IQCN: variants seen among roughly 807,000 people sequenced by gnomAD.
IQCN encodes the protein IQ motif containing N.
IQCN carries 46 observed loss-of-function variants against 64.4 expected under a neutral mutation model. The observed-to-expected ratio is 0.71, with a 90% CI of 0.56 to 0.91. IQCN has a LOEUF of 0.91. IQCN is among the 40% of genes least tolerant of loss of function. IQCN has a pLI of 0.00. For missense variants in IQCN, 1,753 were observed against 1,857.4 expected (o/e 0.94, Z 1.03); for synonymous variants, 733 against 775.6 (o/e 0.95, Z 0.91).
In IQCN at chr19:18,265,314, C is replaced by A; in HGVS notation, c.2226G>T (p.Thr742=). 6.2e-7 allele frequency: 1 copy of A among 1,614,146 alleles called. No individual in the cohort carries two copies. The highest frequency in any genetic ancestry group is 8.5e-7 in the Non-Finnish European group (1 of 1,180,046). ...CTGTGATCGGCTGCCCCCGGGACTG[C>A]GTCTTGGTCAGACAGGTGGCTAGAG... ...QAPLATCLTK[T]QSRGQPITDI... is the part of the protein sequence containing the mutation. Residue 742 remains threonine (T), a synonymous_variant, in exon 3 of 4, where the codon ACG becomes ACT. Transcript: ENST00000392413. The surrounding 1 kb of genome is among the most constrained non-coding windows in gnomAD (Gnocchi z 4.7).
chr19:18,259,789 G>C (rs937218271), intron 3 of IQCN: 8 of 152,516 alleles, frequency 5.2e-5, no homozygotes, highest in African/African-American at 1.9e-4. Flanking sequence ...AGATTAGACT[G>C]AGTCACGGCC....
intron 1 of IQCN, among the ~76,000 whole-genome samples, chr19:18,272,906 G>A (rs1454543094): frequency 2.0e-5 from 3 of 151,774 alleles, no homozygotes. Flanking sequence ...CACCGCGCCT[G>A]GCCGAGCATT....
intron 3 of IQCN, chr19:18,258,456 T>C (rs777016623): frequency 2.8e-5 from 15 of 537,426 alleles, no homozygotes; most frequent in Admixed American, 6.7e-5. Flanking sequence ...AATCCTACCA[T>C]GCACGGATCT....
In IQCN at chr19:18,266,749, C is replaced by T; in HGVS notation, c.791G>A (p.Arg264Lys). The change falls in exon 3 of 4, where the codon AGA becomes AAA. Residue 264 changes from arginine (R) to lysine (K), a missense_variant. By Grantham distance (26) the Arg-to-Lys change is conservative. Coordinates refer to ENST00000392413, the MANE Select transcript of IQCN (RefSeq NM_001145304.2). This position sits in a 1 kb window ranked among gnomAD's most constrained non-coding sequence, Gnocchi z 4.3. ...GACGAGGCAGGTGCTTCTGATGGTT[C>T]TGGTCAGCAGGCATGGCTGGCATTT... ...DAKCQPCLLTRTIRSTCLVHI... is the reference protein window; with the variant it reads ...DAKCQPCLLTKTIRSTCLVHI... The T allele has an allele frequency of 2.5e-6, 4 of 1,614,142 alleles. No individual in the cohort carries two copies. Among genetic ancestry groups the T allele is most frequent in the African/African-American group, 1.3e-5 (1 of 75,020 alleles).
In IQCN at chr19:18,258,051, G is replaced by T; in HGVS notation, c.3233C>A (p.Pro1078Gln). The T allele has an allele frequency of 6.2e-7, 1 of 1,612,682 alleles. No individual in the cohort carries two copies. Among genetic ancestry groups the T allele is most frequent in the Non-Finnish European group, 8.5e-7 (1 of 1,180,012 alleles). The stretch of plus-strand genomic sequence containing the variant: ...GTCCCAGGACGCAGCACCCCTGGCT[G>T]GCTCCCATGCGCGGTTCCACGATTG... ...GGQSWNRAWE[P>Q]ARGAASWDTW... The change falls in exon 4 of 4, where the codon CCA becomes CAA. Residue 1078 changes from proline (P) to glutamine (Q), a missense_variant. Transcript: ENST00000392413.
chr19:18,266,376 G>T lies in IQCN; in HGVS notation c.1164C>A (p.Thr388=). 2 of 1,608,934 alleles carry T rather than the reference G, an allele frequency of 1.2e-6. No homozygotes were observed. Among genetic ancestry groups the T allele is most frequent in the East Asian group, 2.2e-5 (1 of 44,838 alleles). ...PAQMYPGPTV[T]KTAPHTCPMP... ...TGGGGCATGTGTGAGGTGCAGTTTT[G>T]GTCACTGTGGGCCCCGGATACATCT... Residue 388 remains threonine (T), a synonymous_variant, in exon 3 of 4, where the codon ACC becomes ACA. Transcript: ENST00000392413. This position sits in a 1 kb window ranked among gnomAD's most constrained non-coding sequence, Gnocchi z 4.3.
chr19:18,259,335 C>G (rs897479410), intron 3 of IQCN: 5 of 59,100 alleles, frequency 8.5e-5, no homozygotes, highest in Non-Finnish European at 1.6e-4. Flanking sequence ...AGGCCCCCAT[C>G]ATTGGCACAG....
At chr19:18,269,404 G>C in intron 2 of IQCN, 62 bp downstream of exon 2, 1 of 1,557,122 alleles carries the variant, frequency 6.4e-7, no homozygotes, top group South Asian at 1.1e-5. Context: ...CACTTGTTTG[G>C]CAGAAGCCCC....
At chr19:18,274,013 G>A (rs537680811) in intron 1 of IQCN, among the ~76,000 whole-genome samples, 7 of 152,288 alleles carry the variant, frequency 4.6e-5, no homozygotes, top group South Asian at 2.1e-4. Flanking sequence ...GCTCCTGCCC[G>A]TAATCCAAGC....
intron 3 of IQCN, chr19:18,258,605 T>A: frequency 2.8e-6 from 1 of 358,356 alleles, no homozygotes; most frequent in Non-Finnish European, 5.6e-6. Flanking sequence ...ACGGATATAG[T>A]GGCACATGTG....
chr19:18,258,092 A>G lies in IQCN; in HGVS notation c.3192T>C (p.Ala1064=), dbSNP rs1297974923. 6.2e-7 allele frequency: 1 copy of G among 1,610,814 alleles called. No individual in the cohort carries two copies. Among genetic ancestry groups the G allele is most frequent in the Non-Finnish European group, 8.5e-7 (1 of 1,179,970 alleles). ...TCCACGATTGGCCACCAACCACACCAGCGTCCGCGGGGCCCTGGAGTATAG... is the reference window on the plus strand; with the variant it reads ...TCCACGATTGGCCACCAACCACACCGGCGTCCGCGGGGCCCTGGAGTATAG... ...RPQTSKGPAD[A]GVVGGQSWNR... is the part of the protein sequence containing the mutation. Residue 1064 remains alanine (A), a synonymous_variant, in exon 4 of 4, where the codon GCT becomes GCC. Coordinates refer to ENST00000392413, the MANE Select transcript of IQCN (RefSeq NM_001145304.2).
Position 18,265,057 on chromosome 19 carries a change from A to T in IQCN, c.2483T>A (p.Val828Asp). 1 of 1,600,788 alleles carries T rather than the reference A, an allele frequency of 6.2e-7. No homozygotes were observed. Among genetic ancestry groups the T allele is most frequent in the Middle Eastern group, 1.6e-4 (1 of 6,062 alleles). The change falls in exon 3 of 4, where the codon GTC becomes GAC. Residue 828 changes from valine to aspartate, a missense_variant. Transcript: ENST00000392413. This position sits in a 1 kb window ranked among gnomAD's most constrained non-coding sequence, Gnocchi z 4.7. ...QGGPCPAACEVQGMLVPPMAP... is the reference protein window; with the variant it reads ...QGGPCPAACEDQGMLVPPMAP... Reference sequence around the variant, plus strand: ...CATCGGCGGCACCAGCATACCCTGGACCTCACAGGCTGCCGGGCATGGTCC... The same window carrying T: ...CATCGGCGGCACCAGCATACCCTGGTCCTCACAGGCTGCCGGGCATGGTCC...
chr19:18,262,253 C>T, intron 3 of IQCN: 1 of 153,262 alleles, frequency 6.5e-6, no homozygotes, highest in South Asian at 2.0e-4. Context: ...CCTCAGTGGG[C>T]TGAAATGGCT....
rs779798913 is a variant in IQCN at position 18,264,890 on chromosome 19, C to G, written c.2650G>C (p.Val884Leu). ...TCCTGGGATGCCAGCACACCAGCTA[C>G]TTCAGCACACAAGGAGGCCAGCAGG... ...GSLLASLCAE[V>L]AGVLASQEDL... Residue 884 changes from valine to leucine, a missense_variant, in exon 3 of 4, where the codon GTA becomes CTA. Physicochemically the swap from Val to Leu is conservative, Grantham distance 32 (BLOSUM62 1). Transcript: ENST00000392413. This position sits in a 1 kb window ranked among gnomAD's most constrained non-coding sequence, Gnocchi z 4.3. 5 of 1,613,106 alleles carry G rather than the reference C, an allele frequency of 3.1e-6. No homozygotes were observed. Among genetic ancestry groups the G allele is most frequent in the Non-Finnish European group, 3.4e-6 (4 of 1,179,882 alleles).
chr19:18,267,095 T>G lies in IQCN; in HGVS notation c.445A>C (p.Ser149Arg). 1 of 1,614,250 alleles carries G rather than the reference T, an allele frequency of 6.2e-7. No individual in the cohort carries two copies. Among genetic ancestry groups the G allele is most frequent in the Middle Eastern group, 1.6e-4 (1 of 6,062 alleles). The change falls in exon 3 of 4, where the codon AGC becomes CGC. Residue 149 changes from serine to arginine, a missense_variant. Ser to Arg is a moderately radical substitution (Grantham distance 110). Transcript: ENST00000392413. The part of the protein sequence containing the change: ...RFNKRHILHS[S>R]KSLVKKTRAE... ...CTCGTTTTCTTTACCAACGACTTGC[T>G]GGAGTGAAGGATGTGTCTCTTGTTG...
At chr19:18,268,481 A>T (rs1432274510) in intron 2 of IQCN, among the ~76,000 whole-genome samples, 1 of 152,046 alleles carries the variant, frequency 6.6e-6, no homozygotes, top group East Asian at 1.9e-4. Context: ...ATGGGTTGGA[A>T]AGACAGATGA....
rs1459013772 is a variant in IQCN, at chr19:18,266,634, A to G, written c.906T>C (p.Tyr302=). 6.2e-7 allele frequency: 1 copy of G among 1,614,040 alleles called. No homozygotes were observed. Residue 302 remains tyrosine, a synonymous_variant, in exon 3 of 4, where the codon TAT becomes TAC. Transcript: ENST00000392413. The surrounding 1 kb of genome is among the most constrained non-coding windows in gnomAD (Gnocchi z 4.3). ...RAPETPLSRR[Y]DQAVTRPSRA... is the part of the protein sequence containing the mutation. ...TGGATGGTCTCGTAACTGCCTGGTC[A>G]TACCTTCTGGACAATGGTGTCTCCG...
Position 18,265,924 on chromosome 19 carries a change from C to T in IQCN, c.1616G>A (p.Gly539Glu). ...GATGGAGCCTGAGGTGTTGGGAGTT[C>T]CGGCTGCTACCGCCACTTGGGGTGG... is the stretch of plus-strand genomic sequence containing the variant. ...KAPPQVAVAA[G>E]TPNTSGSIHE... is the part of the protein sequence containing the mutation. Residue 539 changes from glycine (G) to glutamate (E), a missense_variant, in exon 3 of 4, where the codon GGA becomes GAA. Transcript: ENST00000392413. The surrounding 1 kb of genome is among the most constrained non-coding windows in gnomAD (Gnocchi z 4.7). 1 of 1,614,206 alleles carries T rather than the reference C, an allele frequency of 6.2e-7. No homozygotes were observed. The highest frequency in any genetic ancestry group is 8.5e-7 in the Non-Finnish European group (1 of 1,180,046).
chr19:18,268,334 T>G (rs1969653184), intron 2 of IQCN, among the ~76,000 whole-genome samples: 1 of 151,802 alleles, frequency 6.6e-6, no homozygotes, highest in Admixed American at 6.6e-5. Flanking sequence ...AGAGCTTGGT[T>G]CCAAGCTGTG....
Sources: gnomAD v4.1 joint callset for allele counts (sites outside exome capture counted in the v4.1 genomes callset) on GRCh38, gnomAD v4.1.1 for gene constraint, Gnocchi (gnomAD v3.1) non-coding constraint, MANE v1.5 for transcripts, NCBI Gene and HGNC (gene_info 2026-07-23, HGNC 2026-07-21) for gene names.